The following MASP1 variants were observed in gnomAD, a reference collection of about 807,000 sequenced individuals.
The protein encoded by MASP1 is MBL associated serine protease 1.
A neutral mutation model predicts 77.1 loss-of-function variants in MASP1; 59 were observed. The ratio of observed to expected loss-of-function variants is 0.77; its 90% CI spans 0.62 to 0.95. The LOEUF is 0.95. Ranked by LOEUF, MASP1 falls within the 40% of genes least tolerant of loss-of-function variation. MASP1 has a pLI of 0.00. For missense variants in MASP1, 885 were observed against 912.9 expected (o/e 0.97, Z 0.39); for synonymous variants, 362 against 354.5 (o/e 1.02, Z -0.24).
chr3:187,230,599 G>C (rs1049287085), downstream of MASP1, among the ~76,000 whole-genome samples: 5 of 152,156 alleles, frequency 3.3e-5, no homozygotes, highest in African/African-American at 1.2e-4. Context: ...CTTCCTCAGG[G>C]CCTTGTGGAG....
intron 4 of MASP1, 42 bp from the exon 5 acceptor site, chr3:187,256,902 A>G: frequency 6.5e-7 from 1 of 1,546,090 alleles, no homozygotes; most frequent in South Asian, 1.1e-5. Context: ...TCGCAACCAC[A>G]GCCATAGCAA....
intron 2 of MASP1, among the ~76,000 whole-genome samples, chr3:187,266,946 C>T (rs1317712406): frequency 6.6e-6 from 1 of 152,236 alleles, no homozygotes; most frequent in African/African-American, 2.4e-5. Context: ...TGTATGGCTG[C>T]TCTCTGCATG....
intron 8 of MASP1, chr3:187,246,452 A>C: frequency 1.0e-6 from 1 of 985,394 alleles, no homozygotes; most frequent in Non-Finnish European, 1.2e-6. Context: ...ATGGCACCTC[A>C]GTCTCCAGAC....
At chr3:187,258,757 C>T (rs1715315290) in intron 4 of MASP1, among the ~76,000 whole-genome samples, 1 of 152,224 alleles carries the variant, frequency 6.6e-6, no homozygotes, top group Non-Finnish European at 1.5e-5. Flanking sequence ...AAACTGCCTT[C>T]AAACAAGGCA....
intron 4 of MASP1, among the ~76,000 whole-genome samples, chr3:187,258,180 C>T (rs1715255986): frequency 6.6e-6 from 1 of 152,194 alleles, no homozygotes; most frequent in South Asian, 2.1e-4. Context: ...CAATTTTCAG[C>T]TCTACCAGAT....
chr3:187,283,891 A>G (rs1197828439), intron 2 of MASP1, among the ~76,000 whole-genome samples: 2 of 152,208 alleles, frequency 1.3e-5, no homozygotes, highest in African/African-American at 4.8e-5. Context: ...CTGAGGACCC[A>G]TACCTACAAT....
chr3:187,230,599 G>T (rs1049287085), downstream of MASP1, among the ~76,000 whole-genome samples: 8 of 152,274 alleles, frequency 5.3e-5, no homozygotes, highest in East Asian at 1.5e-3. Flanking sequence ...CTTCCTCAGG[G>T]CCTTGTGGAG....
At chr3:187,274,158 A>T (rs1011904252) in intron 2 of MASP1, among the ~76,000 whole-genome samples, 20 of 151,980 alleles carry the variant, frequency 1.3e-4, no homozygotes, top group African/African-American at 4.8e-4. Context: ...CAGTGAGCAG[A>T]GATTGTGCCA....
downstream of MASP1, among the ~76,000 whole-genome samples, chr3:187,232,709 C>A (rs80069786): frequency 0.03 from 4,585 of 152,256 alleles, 89 homozygotes; most frequent in Non-Finnish European, 0.048. Context: ...TATGTCACAA[C>A]CTCAGTACCT....
chr3:187,284,466 T>C (rs1008472622), intron 2 of MASP1, among the ~76,000 whole-genome samples: 1 of 152,190 alleles, frequency 6.6e-6, no homozygotes, highest in African/African-American at 2.4e-5. Flanking sequence ...AAAATATCAG[T>C]AGTGCTGAGG....
At chr3:187,219,114 G>T (rs930670223) in exon 16 of MASP1, 3 of 152,282 alleles carry the variant, frequency 2.0e-5, no homozygotes, top group South Asian at 4.1e-4. Context: ...AAAGGGGTGG[G>T]TATTTCAGGA....
intron 2 of MASP1, among the ~76,000 whole-genome samples, chr3:187,268,783 A>C (rs1478096807): frequency 6.6e-6 from 1 of 152,086 alleles, no homozygotes; most frequent in Non-Finnish European, 1.5e-5. Flanking sequence ...AAAAGATTTT[A>C]AGGCCGGGTG....
chr3:187,252,152 T>G (rs1714665320), intron 6 of MASP1, among the ~76,000 whole-genome samples: 1 of 152,098 alleles, frequency 6.6e-6, no homozygotes, highest in South Asian at 2.1e-4. Context: ...ACCTGCATCT[T>G]TCCTCCCTCA....
At chr3:187,243,381 T>G (rs1311965551) in intron 9 of MASP1, 103 bp downstream of exon 9, 3 of 1,207,782 alleles carry the variant, frequency 2.5e-6, no homozygotes, top group Non-Finnish European at 3.7e-6. Context: ...CTCTACACAC[T>G]TATGAGCAGT....
intron 6 of MASP1, among the ~76,000 whole-genome samples, chr3:187,252,708 TG>T (rs1714718893): frequency 6.6e-6 from 1 of 151,990 alleles, no homozygotes. Context: ...ACTTGGGGGA[TG>T]GGGGCATGAG....
chr3:187,268,010 T>G (rs1240086774), intron 2 of MASP1, among the ~76,000 whole-genome samples: 1 of 152,218 alleles, frequency 6.6e-6, no homozygotes, highest in South Asian at 2.1e-4. Flanking sequence ...ATACCAGAAG[T>G]AGAATGCTGC....
chr3:187,241,096 ACT>A (rs970329381), intron 10 of MASP1, among the ~76,000 whole-genome samples: 1 of 152,102 alleles, frequency 6.6e-6, no homozygotes, highest in Non-Finnish European at 1.5e-5. Flanking sequence ...AGAATTTGTC[ACT>A]CTGTCTTATC....
At chr3:187,264,177 G>A (rs1715829987) in intron 2 of MASP1, among the ~76,000 whole-genome samples, 3 of 152,198 alleles carry the variant, frequency 2.0e-5, no homozygotes, top group Admixed American at 2.0e-4. Flanking sequence ...ATAAGTGGGA[G>A]TTTCAAAGAA....
chr3:187,253,842 G>A (rs913960633), intron 5 of MASP1, among the ~76,000 whole-genome samples: 11 of 151,990 alleles, frequency 7.2e-5, no homozygotes, highest in African/African-American at 2.4e-4. Context: ...CTGTCAGGGG[G>A]TGGCGGGGCA....
Sources: allele counts gnomAD v4.1 joint callset (sites outside exome capture counted in the v4.1 genomes callset), GRCh38; gene constraint gnomAD v4.1.1; transcripts MANE v1.5; gene names NCBI Gene and HGNC (gene_info 2026-07-23, HGNC 2026-07-21).